Variants in NLN observed in about 807,000 individuals in gnomAD.
The protein encoded by NLN is neurolysin, mitochondrial.
Under a neutral mutation model 79.9 loss-of-function variants are expected in NLN, and 64 were observed. The observed-to-expected ratio is 0.80, with a 90% CI of 0.65 to 0.99. The LOEUF (loss-of-function observed/expected upper bound fraction) is 0.99. Ranked by LOEUF, NLN falls within the 50% of genes least tolerant of loss-of-function variation. The pLI is 0.00. For missense variants in NLN, 835 were observed against 858.7 expected (o/e 0.97, Z 0.34); for synonymous variants, 267 against 296.6 (o/e 0.90, Z 1.02).
chr5:65,826,245 T>C lies in NLN; in HGVS notation c.*3330T>C, dbSNP rs1014482168. The stretch of plus-strand genomic sequence containing the variant: ...GTGGCAGGGAGCAAGCCCTAGAGTG[T>C]CTCTTTTTACGAGAGCAGGAATCCC... On this transcript the variant is annotated 3_prime_UTR_variant, in exon 13 of 13. Coordinates refer to ENST00000380985, the MANE Select transcript of NLN (RefSeq NM_020726.5). 2 of 152,102 alleles carry C rather than the reference T, an allele frequency of 1.3e-5. No homozygotes were observed. Among genetic ancestry groups the C allele is most frequent in the Admixed American group, 1.3e-4 (2 of 15,258 alleles). The allele number at this position is 152,102 out of a possible 1,614,324, so 9.4% of individuals were successfully genotyped here.
chr5:65,737,890 G>A (rs1579911525), intron 1 of NLN, among the ~76,000 whole-genome samples: 1 of 152,228 alleles, frequency 6.6e-6, no homozygotes, highest in African/African-American at 2.4e-5. Context: ...CGGCACTTTG[G>A]GAGGCTGGGG....
At chr5:65,800,663 C>CTTTTTATTTATTTATTTATTTATTTAT (rs10639871) in intron 9 of NLN, among the ~76,000 whole-genome samples, 5 of 142,880 alleles carry the variant, frequency 3.5e-5, no homozygotes, top group Non-Finnish European at 7.5e-5. Flanking sequence ...AGAAAACTCT[C>CTTTTTATTTATTTATTTATTTATTTAT]TTATTTATTT....
chr5:65,816,141 A>G (rs1760666012), intron 12 of NLN, among the ~76,000 whole-genome samples: 1 of 152,148 alleles, frequency 6.6e-6, no homozygotes, highest in Non-Finnish European at 1.5e-5. Context: ...CAGTGAGCCA[A>G]GATTGCACCA....
Position 65,809,446 on chromosome 5 carries a change from T to TA in NLN, c.1528-67dup. On this transcript the variant is annotated intron_variant, in intron 9 of 12. Coordinates refer to ENST00000380985, the MANE Select transcript of NLN (RefSeq NM_020726.5). ...TTCTGCCTTAAGTTTTCGTGACTCT[T>TA]AATAATTATTCATTGCATATGTACT... is the stretch of plus-strand genomic sequence containing the variant. The TA allele has an allele frequency of 3.0e-6, 4 of 1,345,436 alleles. No individual in the cohort carries two copies. The South Asian group carries it at 5.6e-5, about 19-fold the overall frequency. The allele number at this position is 1,345,436 out of a possible 1,614,324, so 83.3% of individuals were successfully genotyped here.
chr5:65,752,620 G>A (rs531463917), intron 1 of NLN, among the ~76,000 whole-genome samples: 2 of 152,152 alleles, frequency 1.3e-5, no homozygotes, highest in Admixed American at 6.5e-5. Flanking sequence ...GCAGAGGCAC[G>A]GAAGGGGAAG....
chr5:65,748,211 A>C (rs1759027796), intron 1 of NLN, among the ~76,000 whole-genome samples: 1 of 151,902 alleles, frequency 6.6e-6, no homozygotes. Context: ...AAAAACAAAA[A>C]CAAAGTACAG....
At chr5:65,793,438 A>G (rs1444226084) in intron 9 of NLN, 1 of 153,156 alleles carries the variant, frequency 6.5e-6, no homozygotes, top group Non-Finnish European at 1.5e-5. Context: ...GCTTGAGTCT[A>G]GGAGTTTGAG....
rs62367589 is a variant in NLN, at chr5:65,826,380, G to C, written c.*3465G>C. The C allele has an allele frequency of 0.071, 10,801 of 152,168 alleles. 549 individuals are homozygous for C. Among genetic ancestry groups the C allele is most frequent in the East Asian group, 0.15 (762 of 5,176 alleles). 9.4% of individuals were successfully genotyped at this position (152,168 alleles called of 1,614,324 possible). A position where few individuals can be genotyped will look rare whatever the true frequency, so the allele number is the denominator to read the frequency against. On this transcript the variant is annotated 3_prime_UTR_variant, in exon 13 of 13. Transcript: ENST00000380985. ...TGTTACGGCTTCAATGTAGGGGATG[G>C]GGCACAAACATTCAGTCCATAACGA... is the stretch of plus-strand genomic sequence containing the variant.
intron 1 of NLN, among the ~76,000 whole-genome samples, chr5:65,754,162 A>G (rs1254317490): frequency 6.6e-6 from 1 of 152,194 alleles, no homozygotes; most frequent in Non-Finnish European, 1.5e-5. Context: ...TTACTGACTC[A>G]TAACTGGAAT....
intron 12 of NLN, among the ~76,000 whole-genome samples, chr5:65,814,810 A>C (rs1760632719): frequency 6.6e-6 from 1 of 152,208 alleles, no homozygotes; most frequent in Non-Finnish European, 1.5e-5. Flanking sequence ...GGCTTCAATA[A>C]GCTTTTACTA....
At chr5:65,780,337 C>A in intron 5 of NLN, 56 bp downstream of exon 5, 1 of 662,992 alleles carries the variant, frequency 1.5e-6, no homozygotes, top group East Asian at 3.1e-5. Context: ...ATAGTGTTAC[C>A]TCACAGTTTG....
chr5:65,773,147 T>TTTTTTTA, intron 3 of NLN, among the ~76,000 whole-genome samples: 1 of 147,124 alleles, frequency 6.8e-6, no homozygotes, highest in Non-Finnish European at 1.5e-5. Flanking sequence ...TTTTTTTTTT[T>TTTTTTTA]CTGCAACAGG....
rs748904931 is a variant in NLN, at chr5:65,792,602, G to T, written c.1474G>T (p.Val492Leu). Residue 492 changes from valine (V) to leucine (L), a missense_variant, in exon 9 of 13, where the codon GTG becomes TTG. Val to Leu is a conservative substitution (Grantham distance 32). Coordinates refer to ENST00000380985, the MANE Select transcript of NLN (RefSeq NM_020726.5). Reference sequence around the variant, plus strand: ...TCCCTCTCTCCTGAGACACGACGAGGTGAGGACTTACTTTCATGAGTTTGG... The same window carrying T: ...TCCCTCTCTCCTGAGACACGACGAGTTGAGGACTTACTTTCATGAGTTTGG... ...GRPSLLRHDE[V>L]RTYFHEFGHV... 2 of 1,614,098 alleles carry T rather than the reference G, an allele frequency of 1.2e-6. No homozygotes were observed. The highest frequency in any genetic ancestry group is 1.7e-6 in the Non-Finnish European group (2 of 1,179,982).
chr5:65,763,438 C>A (rs994747476), intron 3 of NLN, among the ~76,000 whole-genome samples: 1 of 152,106 alleles, frequency 6.6e-6, no homozygotes, highest in Non-Finnish European at 1.5e-5. Flanking sequence ...AGTTGTTTAT[C>A]TGTAAATATC....
chr5:65,766,359 C>G (rs1252121748), intron 3 of NLN, among the ~76,000 whole-genome samples: 1 of 152,110 alleles, frequency 6.6e-6, no homozygotes, highest in Non-Finnish European at 1.5e-5. Context: ...CAAGGCATGT[C>G]TTACATGATG....
rs1760933524 is a variant in NLN, at chr5:65,827,063, A to G, written c.*4148A>G. ...GTGATTATCTAGTATCAGCTGTATC[A>G]AGGCAAAAGGTAAAGGTTATAAGAT... is the stretch of plus-strand genomic sequence containing the variant. On this transcript the variant is annotated 3_prime_UTR_variant, in exon 13 of 13. Coordinates refer to ENST00000380985, the MANE Select transcript of NLN (RefSeq NM_020726.5). 6.6e-6 allele frequency: 1 copy of G among 151,918 alleles called. No homozygotes were observed. The highest frequency in any genetic ancestry group is 2.1e-4 in the South Asian group (1 of 4,810). 9.4% of individuals were successfully genotyped at this position (151,918 alleles called of 1,614,324 possible). A position where few individuals can be genotyped will look rare whatever the true frequency, so the allele number is the denominator to read the frequency against.
intron 1 of NLN, among the ~76,000 whole-genome samples, chr5:65,724,731 A>G (rs971926167): frequency 2.0e-5 from 3 of 151,476 alleles, no homozygotes; most frequent in African/African-American, 7.3e-5. Flanking sequence ...CAATTTCTCC[A>G]CATCATCATC....
intron 12 of NLN, 32 bp downstream of exon 12, chr5:65,812,423 T>G (rs1389231694): frequency 7.1e-7 from 1 of 1,412,426 alleles, no homozygotes; most frequent in East Asian, 2.3e-5. Context: ...TTTATTAATT[T>G]TGTAGTTGCT....
At chr5:65,746,840 TA>T (rs1399456373) in intron 1 of NLN, among the ~76,000 whole-genome samples, 1 of 151,564 alleles carries the variant, frequency 6.6e-6, no homozygotes, top group Non-Finnish European at 1.5e-5. Context: ...CCGTCTCTAC[TA>T]AAAGTACAAA....
Sources: gnomAD v4.1 joint callset for allele counts (sites outside exome capture counted in the v4.1 genomes callset) on GRCh38, gnomAD v4.1.1 for gene constraint, MANE v1.5 for transcripts, NCBI Gene and HGNC (gene_info 2026-07-23, HGNC 2026-07-21) for gene names.